Variants in AOX1 observed in about 807,000 individuals in gnomAD.
The protein encoded by AOX1 is aldehyde oxidase 1.
A neutral mutation model predicts 169.5 loss-of-function variants in AOX1; 153 were observed. The ratio of observed to expected loss-of-function variants is 0.90; its 90% confidence interval spans 0.79 to 1.03. The LOEUF is 1.03. Among genes scored for constraint, AOX1 ranks in the 50% least tolerant of loss-of-function variants. AOX1 has a pLI of 0.00. For synonymous variants in AOX1, 562 were observed against 581.9 expected, an observed-to-expected ratio of 0.97 and a Z score of 0.49; for missense variants, 1,656 against 1,663.9, an observed-to-expected ratio of 1.00 and a Z score of 0.08.
intron 5 of AOX1, among the ~76,000 whole-genome samples, chr2:200,601,505 G>A (rs191753652): frequency 3.3e-5 from 5 of 152,208 alleles, no homozygotes; most frequent in African/African-American, 1.2e-4. Flanking sequence ...GAAGTTAGAG[G>A]TAATAGATAT....
chr2:200,615,558 G>T (rs1249963932), intron 15 of AOX1, among the ~76,000 whole-genome samples: 1 of 152,160 alleles, frequency 6.6e-6, no homozygotes, highest in African/African-American at 2.4e-5. Flanking sequence ...GAACCTTTAT[G>T]CTTATTTGCA....
intron 26 of AOX1, among the ~76,000 whole-genome samples, chr2:200,656,314 A>G (rs1429164779): frequency 4.0e-5 from 1 of 24,720 alleles, no homozygotes; most frequent in African/African-American, 1.1e-4. Context: ...TGTTAATTAT[A>G]AAAACATGTT....
intron 1 of AOX1, among the ~76,000 whole-genome samples, chr2:200,587,939 G>A (rs916108877): frequency 8.5e-5 from 13 of 152,238 alleles, no homozygotes; most frequent in South Asian, 4.1e-4. Context: ...AGGGCCTACC[G>A]TATGCCAGTC....
At chr2:200,594,019 A>G (rs1008603014) in intron 2 of AOX1, among the ~76,000 whole-genome samples, 5 of 152,182 alleles carry the variant, frequency 3.3e-5, no homozygotes, top group Non-Finnish European at 5.9e-5. Flanking sequence ...TCATTGTGTT[A>G]GTTCAGGTTC....
At chr2:200,659,967 A>T in intron 28 of AOX1, 28 bp from the exon 29 acceptor site, 2 of 1,565,340 alleles carry the variant, frequency 1.3e-6, no homozygotes, top group Non-Finnish European at 1.8e-6. Flanking sequence ...AATTAGGAGC[A>T]TAATTTTAAT....
chr2:200,638,188 A>G, intron 22 of AOX1, 27 bp from the exon 23 acceptor site: 1 of 1,608,854 alleles, frequency 6.2e-7, no homozygotes, highest in Non-Finnish European at 8.5e-7. Flanking sequence ...AAAAGAGGTT[A>G]CCTCACTTAC....
At chr2:200,664,769 G>A (rs1018052172) in intron 31 of AOX1, among the ~76,000 whole-genome samples, 4 of 152,152 alleles carry the variant, frequency 2.6e-5, no homozygotes, top group East Asian at 1.9e-4. Flanking sequence ...CCCTTATTCC[G>A]GCAAAATTTT....
intron 4 of AOX1, chr2:200,676,738 A>C (rs2036105746): frequency 1.3e-4 from 40 of 314,892 alleles, no homozygotes; most frequent in South Asian, 1.0e-3. Flanking sequence ...AAGGAGGAGG[A>C]AAGTGGGGGT....
In AOX1 at chr2:200,627,415, C is replaced by T. The variant is rs142194642; in HGVS notation, c.2187C>T (p.Asp729=). The change falls in exon 20 of 35, where the codon GAC becomes GAT. Residue 729 remains aspartate, a synonymous_variant. Transcript: ENST00000374700. The part of the protein sequence containing the change: ...PERKLEYGNV[D]EAFKVVDQIL... ...GGAAACTGGAATATGGAAATGTTGA[C>T]GAAGCATTTAAAGTGGTTGATCAAA... The T allele has an allele frequency of 1.9e-4, 300 of 1,613,408 alleles. No homozygotes were observed. Among genetic ancestry groups the T allele is most frequent in the Non-Finnish European group, 2.3e-4 (270 of 1,179,578 alleles).
Position 200,623,874 on chromosome 2 carries a change from G to C in AOX1, c.2015G>C (p.Gly672Ala). Reference protein sequence around the residue: ...FLATDKVFCVGQLVCAVLADS... With the variant: ...FLATDKVFCVAQLVCAVLADS... ...TCTGTGTCGTAGGTGTTCTGTGTGG[G>C]TCAGCTTGTCTGTGCTGTGCTTGCC... is the stretch of plus-strand genomic sequence containing the variant. The change falls in exon 19 of 35, where the codon GGT becomes GCT. Residue 672 changes from glycine (G) to alanine (A), a missense_variant. By Grantham distance (60) the Gly-to-Ala change is moderately conservative. Transcript: ENST00000374700. The C allele has an allele frequency of 5.0e-6, 8 of 1,613,988 alleles. No individual in the cohort carries two copies. Among genetic ancestry groups the C allele is most frequent in the Non-Finnish European group, 6.8e-6 (8 of 1,179,974 alleles).
chr2:200,638,876 T>G (rs1362233806), intron 23 of AOX1, among the ~76,000 whole-genome samples: 2 of 152,158 alleles, frequency 1.3e-5, no homozygotes, highest in East Asian at 3.9e-4. Flanking sequence ...ATTACGTCAT[T>G]TCTTGCTCAA....
chr2:200,596,658 G>T (rs1408863945), intron 3 of AOX1, among the ~76,000 whole-genome samples: 1 of 152,188 alleles, frequency 6.6e-6, no homozygotes, highest in African/African-American at 2.4e-5. Context: ...GTTTAAGGCA[G>T]GTTCCTTTTC....
intron 20 of AOX1, among the ~76,000 whole-genome samples, chr2:200,634,300 C>G (rs140102804): frequency 2.0e-5 from 3 of 149,568 alleles, no homozygotes; most frequent in African/African-American, 7.4e-5. Flanking sequence ...ACTGCTGTGT[C>G]TTTTCTTAGG....
chr2:200,665,659 T>C (rs1415641798), intron 31 of AOX1, among the ~76,000 whole-genome samples: 1 of 152,200 alleles, frequency 6.6e-6, no homozygotes, highest in Non-Finnish European at 1.5e-5. Context: ...CTCAAACTCC[T>C]GGCCTCAAGT....
intron 18 of AOX1, among the ~76,000 whole-genome samples, chr2:200,622,413 G>A (rs760357250): frequency 6.6e-6 from 1 of 152,124 alleles, no homozygotes; most frequent in Non-Finnish European, 1.5e-5. Context: ...TGCATAATTC[G>A]GACTGCTCAG....
intron 4 of AOX1, among the ~76,000 whole-genome samples, chr2:200,599,221 A>C (rs768632401): frequency 2.0e-5 from 3 of 151,926 alleles, no homozygotes; most frequent in Non-Finnish European, 4.4e-5. Flanking sequence ...TATTTCTCTG[A>C]AGGATTTCTT....
chr2:200,659,914 G>T, intron 28 of AOX1, 81 bp from the exon 29 acceptor site: 1 of 1,084,434 alleles, frequency 9.2e-7, no homozygotes, highest in African/African-American at 1.6e-5. Context: ...TAAGCCTATG[G>T]AATGGTACAT....
chr2:200,630,020 C>T (rs2035083529), intron 20 of AOX1, among the ~76,000 whole-genome samples: 2 of 152,062 alleles, frequency 1.3e-5, no homozygotes, highest in South Asian at 4.2e-4. Context: ...CAAGGCAGGA[C>T]ATTTGAGGCC....
chr2:200,630,209 TTAAAAAAAAAAAAAA>T (rs2035087886), intron 20 of AOX1, among the ~76,000 whole-genome samples: 1 of 94,112 alleles, frequency 1.1e-5, no homozygotes, highest in Non-Finnish European at 1.9e-5. Context: ...CTCCTTCTAT[TTAAAAAAAAAAAAAA>T]AAAAAAAAAA....
Sources: allele counts gnomAD v4.1 joint callset (sites outside exome capture counted in the v4.1 genomes callset), GRCh38; gene constraint gnomAD v4.1.1; transcripts MANE v1.5; gene names NCBI Gene and HGNC (gene_info 2026-07-23, HGNC 2026-07-21).